DRC11: variants seen among roughly 807,000 people sequenced by gnomAD.
The protein encoded by DRC11 is dynein regulatory complex subunit 11.
At chr2:236,405,748 A>C in the DRC11 span, among the ~76,000 whole-genome samples, 1 of 152,202 alleles carries the variant, frequency 6.6e-6, no homozygotes, top group Admixed American at 6.5e-5. This position sits in a 1 kb window ranked among gnomAD's most constrained non-coding sequence, Gnocchi z 4.6. Context: ...GAAGCCTCGG[A>C]TCGTACCAAC....
the DRC11 span, among the ~76,000 whole-genome samples, chr2:236,353,284 G>A: frequency 6.6e-6 from 1 of 152,124 alleles, no homozygotes; most frequent in Non-Finnish European, 1.5e-5. The surrounding 1 kb of genome is among the most constrained non-coding windows in gnomAD (Gnocchi z 5.0). Context: ...GGTTTTTGTT[G>A]TGTGTCAATT....
the DRC11 span, among the ~76,000 whole-genome samples, chr2:236,314,080 G>A: frequency 2.0e-5 from 3 of 152,098 alleles, no homozygotes; most frequent in Non-Finnish European, 2.9e-5. The surrounding 1 kb of genome is among the most constrained non-coding windows in gnomAD (Gnocchi z 4.5). Flanking sequence ...GGAAAATGGT[G>A]GAAATCAGAA....
chr2:236,391,798 T>C, the DRC11 span, among the ~76,000 whole-genome samples: 1 of 152,166 alleles, frequency 6.6e-6, no homozygotes, highest in African/African-American at 2.4e-5. The surrounding 1 kb of genome is among the most constrained non-coding windows in gnomAD (Gnocchi z 4.5). Flanking sequence ...TATTTATGAA[T>C]CCACAGGCCC....
the DRC11 span, among the ~76,000 whole-genome samples, chr2:236,320,731 T>C: frequency 1.3e-5 from 2 of 152,188 alleles, no homozygotes; most frequent in Non-Finnish European, 2.9e-5. Flanking sequence ...CACTTCAGAA[T>C]GTGCTCAAGA....
chr2:236,377,202 G>A, the DRC11 span: 1 of 1,547,338 alleles, frequency 6.5e-7, no homozygotes, highest in Non-Finnish European at 8.9e-7. The surrounding 1 kb of genome is among the most constrained non-coding windows in gnomAD (Gnocchi z 4.9). Context: ...AGAAAGCAGA[G>A]TGTCTGTTCC....
chr2:236,401,263 G>C, the DRC11 span, among the ~76,000 whole-genome samples: 66,514 of 151,946 alleles, frequency 0.44, 15,092 homozygotes, highest in African/African-American at 0.51. The surrounding 1 kb of genome is among the most constrained non-coding windows in gnomAD (Gnocchi z 4.6). Flanking sequence ...CATGCTCTTT[G>C]CCCTGCTGTC....
the DRC11 span, among the ~76,000 whole-genome samples, chr2:236,322,646 C>T: frequency 6.6e-6 from 1 of 152,188 alleles, no homozygotes; most frequent in Non-Finnish European, 1.5e-5. Context: ...GAGTGAGGCC[C>T]TGGCAATCAC....
At chr2:236,459,224 C>T in the DRC11 span, among the ~76,000 whole-genome samples, 1 of 151,880 alleles carries the variant, frequency 6.6e-6, no homozygotes, top group African/African-American at 2.4e-5. Flanking sequence ...AACGAAGAAA[C>T]CAAAAGATTA....
the DRC11 span, among the ~76,000 whole-genome samples, chr2:236,492,271 G>C: frequency 3.9e-5 from 6 of 152,202 alleles, no homozygotes; most frequent in African/African-American, 1.4e-4. Context: ...TCCGCAGAAT[G>C]GGTACCATTT....
At chr2:236,476,166 T>C in the DRC11 span, among the ~76,000 whole-genome samples, 3 of 152,130 alleles carry the variant, frequency 2.0e-5, no homozygotes, top group Non-Finnish European at 2.9e-5. The surrounding 1 kb of genome is among the most constrained non-coding windows in gnomAD (Gnocchi z 4.7). Flanking sequence ...GTAGTATTCA[T>C]ATTTTAACAG....
the DRC11 span, among the ~76,000 whole-genome samples, chr2:236,492,767 G>A: frequency 6.6e-6 from 1 of 152,108 alleles, no homozygotes; most frequent in Non-Finnish European, 1.5e-5. Flanking sequence ...CCCACCAGTA[G>A]GCTGCATGGG....
chr2:236,459,616 A>ATATACGTATATAT, the DRC11 span, among the ~76,000 whole-genome samples: 1 of 130,874 alleles, frequency 7.6e-6, no homozygotes, highest in African/African-American at 2.8e-5. Context: ...TACGTATATA[A>ATATACGTATATAT]GTATATACAT....
the DRC11 span, among the ~76,000 whole-genome samples, chr2:236,501,329 C>A: frequency 6.6e-6 from 1 of 152,122 alleles, no homozygotes; most frequent in Non-Finnish European, 1.5e-5. Flanking sequence ...TGGGTGGGGA[C>A]ACAAATCTAA....
the DRC11 span, among the ~76,000 whole-genome samples, chr2:236,348,570 CA>C: frequency 0.17 from 25,921 of 152,142 alleles, 2,477 homozygotes; most frequent in Non-Finnish European, 0.22. This position sits in a 1 kb window ranked among gnomAD's most constrained non-coding sequence, Gnocchi z 7.4. Flanking sequence ...GGGCGGAGCA[CA>C]AGCCAGAGAG....
At chr2:236,489,668 T>C in the DRC11 span, among the ~76,000 whole-genome samples, 1 of 152,152 alleles carries the variant, frequency 6.6e-6, no homozygotes, top group African/African-American at 2.4e-5. Context: ...ACACCTGTAA[T>C]CCCAGCACTT....
the DRC11 span, among the ~76,000 whole-genome samples, chr2:236,336,746 C>T: frequency 7.2e-5 from 11 of 152,292 alleles, no homozygotes; most frequent in Admixed American, 2.0e-4. This position sits in a 1 kb window ranked among gnomAD's most constrained non-coding sequence, Gnocchi z 7.3. Context: ...ACAGCACCAT[C>T]GCCATCTTAC....
the DRC11 span, among the ~76,000 whole-genome samples, chr2:236,498,407 G>A: frequency 6.6e-6 from 1 of 151,684 alleles, no homozygotes; most frequent in African/African-American, 2.4e-5. Context: ...GGAGTTTGCA[G>A]TGACCCGAAA....
At chr2:236,380,585 C>A in the DRC11 span, 1 of 1,551,532 alleles carries the variant, frequency 6.4e-7, no homozygotes, top group East Asian at 2.4e-5. The surrounding 1 kb of genome is among the most constrained non-coding windows in gnomAD (Gnocchi z 4.9). Context: ...GCTGTCAGAT[C>A]TTTATCCTTC....
At chr2:236,353,383 T>C in the DRC11 span, among the ~76,000 whole-genome samples, 2 of 152,302 alleles carry the variant, frequency 1.3e-5, no homozygotes, top group East Asian at 3.9e-4. The surrounding 1 kb of genome is among the most constrained non-coding windows in gnomAD (Gnocchi z 5.0). Context: ...CCACATGCAT[T>C]TTATGGGCTT....
Sources: allele counts gnomAD v4.1 joint callset (sites outside exome capture counted in the v4.1 genomes callset), GRCh38; gene constraint gnomAD v4.1.1; non-coding constraint Gnocchi (gnomAD v3.1); transcripts MANE v1.5; gene names NCBI Gene and HGNC (gene_info 2026-07-23, HGNC 2026-07-21).